DNAH7: variants seen among roughly 807,000 people sequenced by gnomAD.
DNAH7 encodes the protein axonemal beta dynein heavy chain 7.
A neutral mutation model predicts 444.6 loss-of-function variants in DNAH7; 397 were observed. The ratio of observed to expected loss-of-function variants is 0.89; its 90% confidence interval spans 0.82 to 0.97. DNAH7 has a LOEUF of 0.97. Ranked by LOEUF, DNAH7 falls within the 50% of genes least tolerant of loss-of-function variation. The probability of loss-of-function intolerance (pLI) is 0.00; values close to 1 mark genes in which losing one functional copy is unlikely to be tolerated. For missense variants in DNAH7, 4,902 were observed against 4,800.8 expected (o/e 1.02, Z -0.62); for synonymous variants, 1,636 against 1,624.4 (o/e 1.01, Z -0.17).
chr2:195,984,777 T>A, intron 14 of DNAH7, 67 bp from the exon 15 acceptor site: 1 of 1,378,924 alleles, frequency 7.3e-7, no homozygotes, highest in Non-Finnish European at 1.0e-6. Flanking sequence ...TATATTCCTG[T>A]ATACTGTTTA....
chr2:195,834,010 C>G (rs1183552494), intron 48 of DNAH7, among the ~76,000 whole-genome samples, 196 bp downstream of exon 48: 1 of 152,136 alleles, frequency 6.6e-6, no homozygotes, highest in Non-Finnish European at 1.5e-5. Flanking sequence ...AGTTTGAGAC[C>G]AGCCTAGGCA....
rs747043934 is a variant in DNAH7, at chr2:195,830,803, T to G, written c.9100+3403A>C. On this transcript the variant is annotated intron_variant, in intron 48 of 64. Transcript: ENST00000312428. ...CCCTGCACTCCCATCTTCTAAATCC[T>G]CATTTTGTCTGTAATCTCTTTCTGC... 5.9e-4 allele frequency among the ~76,000 whole-genome samples: 90 copies of G among 152,230 alleles called. 1 individual carries two copies. Among genetic ancestry groups the G allele is most frequent in the Non-Finnish European group, 1.1e-3 (77 of 68,038 alleles).
At chr2:195,829,025 C>T (rs569635736) in intron 48 of DNAH7, among the ~76,000 whole-genome samples, 32 of 152,146 alleles carry the variant, frequency 2.1e-4, no homozygotes, top group Non-Finnish European at 4.6e-4. Flanking sequence ...GTTTTCCTGT[C>T]AGAGAAAAAG....
chr2:196,033,061 C>T (rs1484646295), intron 5 of DNAH7, among the ~76,000 whole-genome samples: 1 of 152,062 alleles, frequency 6.6e-6, no homozygotes, highest in Non-Finnish European at 1.5e-5. Flanking sequence ...AGGATTCATT[C>T]ATGATAAAAT....
intron 24 of DNAH7, among the ~76,000 whole-genome samples, chr2:195,919,374 T>C (rs904913347): frequency 1.3e-5 from 2 of 152,158 alleles, no homozygotes; most frequent in African/African-American, 4.8e-5. Context: ...AAACAGAGTC[T>C]TGCTCTGTCA....
chr2:195,781,966 G>A (rs1695401182), intron 58 of DNAH7, among the ~76,000 whole-genome samples: 1 of 108,908 alleles, frequency 9.2e-6, no homozygotes, highest in Non-Finnish European at 1.9e-5. Context: ...GGGGTGAGAG[G>A]TGGGTCTTAT....
chr2:195,778,528 G>A (rs1217298027), intron 58 of DNAH7, among the ~76,000 whole-genome samples: 1 of 148,400 alleles, frequency 6.7e-6, no homozygotes, highest in African/African-American at 2.5e-5. Flanking sequence ...TCCCAGCTAG[G>A]GAAAGGGCTG....
intron 4 of DNAH7, among the ~76,000 whole-genome samples, chr2:196,047,966 A>AC (rs1366443481): frequency 6.6e-6 from 1 of 152,046 alleles, no homozygotes; most frequent in Non-Finnish European, 1.5e-5. Context: ...ACCCACAAAA[A>AC]ATTTTAAAAA....
intron 47 of DNAH7, among the ~76,000 whole-genome samples, chr2:195,844,796 C>G (rs559267291): frequency 3.9e-5 from 6 of 152,136 alleles, no homozygotes; most frequent in African/African-American, 1.4e-4. Flanking sequence ...TACAAGTCAT[C>G]TGGTTCATTT....
intron 8 of DNAH7, among the ~76,000 whole-genome samples, chr2:196,020,483 C>A (rs749528848): frequency 7.9e-5 from 12 of 152,072 alleles, no homozygotes; most frequent in Admixed American, 2.6e-4. Flanking sequence ...GGCTGTATCA[C>A]CTTTGCAATT....
intron 63 of DNAH7, among the ~76,000 whole-genome samples, chr2:195,751,155 TTAAGAATAAAGGGATTTTGAA>T: frequency 6.6e-6 from 1 of 152,192 alleles, no homozygotes; most frequent in East Asian, 1.9e-4. Flanking sequence ...TTTGAGTATG[TTAAGAATAAAGGGATTTTGAA>T]CAAATGGTCA....
chr2:195,900,864 T>C (rs1489361907), intron 27 of DNAH7: 1 of 168,628 alleles, frequency 5.9e-6, no homozygotes, highest in African/African-American at 2.4e-5. Flanking sequence ...ATACCCTGAT[T>C]TGATCATTAC....
chr2:195,750,383 A>G (rs2105900194), intron 63 of DNAH7, among the ~76,000 whole-genome samples: 1 of 152,286 alleles, frequency 6.6e-6, no homozygotes, highest in South Asian at 2.1e-4. Flanking sequence ...TGAGTTCAAA[A>G]ACATATAACC....
chr2:195,891,998 T>C (rs1389538008), intron 30 of DNAH7, among the ~76,000 whole-genome samples, 194 bp from the exon 31 acceptor site: 1 of 152,102 alleles, frequency 6.6e-6, no homozygotes, highest in Non-Finnish European at 1.5e-5. Context: ...TAATTAACGA[T>C]TGAAAAATAA....
chr2:195,824,513 C>T, intron 48 of DNAH7, 68 bp from the exon 49 acceptor site: 2 of 1,332,502 alleles, frequency 1.5e-6, no homozygotes, highest in Non-Finnish European at 2.0e-6. Flanking sequence ...AAATATTCAA[C>T]CCTCCAAGTT....
chr2:195,930,148 T>A (rs751963879), intron 21 of DNAH7, among the ~76,000 whole-genome samples: 3 of 151,960 alleles, frequency 2.0e-5, no homozygotes, highest in African/African-American at 4.8e-5. Context: ...ATTGAGACCA[T>A]CCTGGTCAAC....
intron 21 of DNAH7, among the ~76,000 whole-genome samples, chr2:195,933,335 G>C (rs546941242): frequency 6.6e-6 from 1 of 152,338 alleles, no homozygotes; most frequent in South Asian, 2.1e-4. Context: ...GTGAAAGTCA[G>C]TGTGGCGATT....
intron 59 of DNAH7, 87 bp from the exon 60 acceptor site, chr2:195,776,070 T>A: frequency 6.7e-7 from 1 of 1,498,490 alleles, no homozygotes; most frequent in Non-Finnish European, 9.1e-7. Context: ...TTTTCAATAC[T>A]CAAGTTATTG....
intron 21 of DNAH7, 32 bp downstream of exon 21, chr2:195,934,559 C>T (rs759288194): frequency 6.3e-7 from 1 of 1,594,118 alleles, no homozygotes; most frequent in Non-Finnish European, 8.6e-7. Flanking sequence ...TTCTAGCATC[C>T]TTTTCTAAAA....
Sources: gnomAD v4.1 joint callset for allele counts (sites outside exome capture counted in the v4.1 genomes callset) on GRCh38, gnomAD v4.1.1 for gene constraint, MANE v1.5 for transcripts, NCBI Gene and HGNC (gene_info 2026-07-23, HGNC 2026-07-21) for gene names.